CCDC171: variants seen among roughly 807,000 people sequenced by gnomAD.
The protein encoded by CCDC171 is coiled-coil domain containing 171.
CCDC171 carries 177 observed loss-of-function variants against 168.2 expected under a neutral mutation model. The observed-to-expected ratio is 1.05, with a 90% CI of 0.93 to 1.19. The LOEUF is 1.19. CCDC171 is among the 50% of genes most tolerant of loss of function. The pLI is 0.00. For synonymous variants in CCDC171, 687 were observed against 540.8 expected (o/e 1.27, Z -3.75); for missense variants, 1,991 against 1,539.0 (o/e 1.29, Z -4.91).
chr9:15,648,713 G>C (rs1442896033), intron 7 of CCDC171, among the ~76,000 whole-genome samples: 5 of 152,076 alleles, frequency 3.3e-5, no homozygotes, highest in African/African-American at 1.2e-4. Flanking sequence ...CTTCTTCAAG[G>C]AGAACTACAA....
intron 21 of CCDC171, among the ~76,000 whole-genome samples, chr9:15,806,831 G>T (rs192224550): frequency 6.6e-6 from 1 of 152,140 alleles, no homozygotes; most frequent in East Asian, 1.9e-4. Flanking sequence ...TGACTTGTTT[G>T]CTTTCTCTCC....
chr9:15,635,571 A>G (rs2132404378), intron 7 of CCDC171, among the ~76,000 whole-genome samples: 1 of 152,266 alleles, frequency 6.6e-6, no homozygotes, highest in African/African-American at 2.4e-5. Context: ...GTGCCCACCC[A>G]GACTGAGGGT....
intron 18 of CCDC171, among the ~76,000 whole-genome samples, chr9:15,754,254 G>T (rs753691192): frequency 6.6e-6 from 1 of 152,196 alleles, no homozygotes; most frequent in Non-Finnish European, 1.5e-5. Context: ...TAAACAAAGC[G>T]GATTTGATTT....
chr9:15,816,764 C>CTATT (rs150488231), intron 21 of CCDC171, among the ~76,000 whole-genome samples: 5,032 of 118,420 alleles, frequency 0.042, 1,576 homozygotes, highest in African/African-American at 0.15. Context: ...AATGGAATTG[C>CTATT]TATTAAGCAG....
intron 3 of CCDC171, among the ~76,000 whole-genome samples, chr9:15,573,851 G>A (rs1260000496): frequency 1.3e-5 from 2 of 151,774 alleles, no homozygotes; most frequent in Non-Finnish European, 2.9e-5. Context: ...GCTTGTGCCC[G>A]GGAGTTCGAG....
chr9:15,870,665 T>G (rs72708851), intron 23 of CCDC171, among the ~76,000 whole-genome samples: 225 of 151,204 alleles, frequency 1.5e-3, no homozygotes, highest in Non-Finnish European at 1.4e-3. Context: ...GAGTGTGTGT[T>G]TTTTTTTTAA....
intron 18 of CCDC171, among the ~76,000 whole-genome samples, chr9:15,757,247 A>T (rs112492862): frequency 0.047 from 7,124 of 152,274 alleles, 356 homozygotes; most frequent in South Asian, 0.13. Context: ...CAAAAGTCTG[A>T]TAGATATATG....
chr9:15,863,162 T>C (rs74472647), intron 23 of CCDC171, among the ~76,000 whole-genome samples: 1,913 of 152,062 alleles, frequency 0.013, 48 homozygotes, highest in African/African-American at 0.043. Context: ...GAGTGGGACA[T>C]TGTACGCACA....
chr9:15,823,097 A>G (rs2059860701), intron 21 of CCDC171, among the ~76,000 whole-genome samples: 1 of 152,156 alleles, frequency 6.6e-6, no homozygotes, highest in South Asian at 2.1e-4. Flanking sequence ...AAAAAACCAA[A>G]CACTGCATGT....
intron 18 of CCDC171, among the ~76,000 whole-genome samples, chr9:15,767,282 C>T (rs374154749): frequency 2.6e-5 from 4 of 152,164 alleles, no homozygotes; most frequent in Non-Finnish European, 4.4e-5. Flanking sequence ...AAGGGTGAAT[C>T]TGATTCTTTT....
At chr9:15,563,896 T>A in intron 1 of CCDC171, 82 bp from the exon 2 acceptor site, 1 of 542,358 alleles carries the variant, frequency 1.8e-6, no homozygotes, top group Non-Finnish European at 3.2e-6. Context: ...ATTACATCTT[T>A]CCAAAATAAA....
the CCDC171 span, among the ~76,000 whole-genome samples, chr9:16,104,283 C>A: frequency 6.6e-6 from 1 of 152,188 alleles, no homozygotes; most frequent in Non-Finnish European, 1.5e-5. Context: ...CTGCCTCCCC[C>A]TCCCCACGGC....
intron 23 of CCDC171, among the ~76,000 whole-genome samples, chr9:15,853,087 G>C (rs2061204177): frequency 6.6e-6 from 1 of 151,498 alleles, no homozygotes; most frequent in Admixed American, 6.6e-5. Context: ...TGAATTTTGG[G>C]ATCAGCTTGT....
At chr9:15,602,549 CCTT>C (rs1378368639) in intron 6 of CCDC171, among the ~76,000 whole-genome samples, 1 of 150,940 alleles carries the variant, frequency 6.6e-6, no homozygotes, top group African/African-American at 2.4e-5. Flanking sequence ...ATAGAGGTGT[CCTT>C]CTCTGGAATA....
intron 18 of CCDC171, among the ~76,000 whole-genome samples, chr9:15,752,095 G>A (rs895972825): frequency 6.6e-6 from 1 of 152,144 alleles, no homozygotes; most frequent in Non-Finnish European, 1.5e-5. Flanking sequence ...AGTGGGCAAA[G>A]GATATGAACA....
At chr9:15,736,763 C>T (rs905939483) in intron 16 of CCDC171, among the ~76,000 whole-genome samples, 2 of 151,932 alleles carry the variant, frequency 1.3e-5, no homozygotes, top group African/African-American at 2.4e-5. Flanking sequence ...GCAGCCTTGA[C>T]CTCCTGGGCT....
intron 7 of CCDC171, among the ~76,000 whole-genome samples, chr9:15,641,167 A>C (rs966043274): frequency 6.6e-6 from 1 of 152,108 alleles, no homozygotes; most frequent in Non-Finnish European, 1.5e-5. Context: ...ATCTGGAAAA[A>C]TAATCATTTT....
intron 3 of CCDC171, among the ~76,000 whole-genome samples, chr9:16,009,051 TA>T (rs2132979055): frequency 6.6e-6 from 1 of 151,696 alleles, no homozygotes; most frequent in African/African-American, 2.4e-5. Flanking sequence ...ATAATTAATA[TA>T]AAAATTGTAT....
chr9:15,770,384 A>G lies in CCDC171; in HGVS notation c.2672-7216A>G, dbSNP rs187215002. 2.0e-5 allele frequency among the ~76,000 whole-genome samples: 3 copies of G among 152,342 alleles called. No homozygotes were observed. In the East Asian group the frequency reaches 5.8e-4, roughly 29 times the overall value. ...CTTAAAATATTTTGAAAACTATATT[A>G]CAGAAAAATTAGTTTCCTTTGTAAT... On this transcript the variant is annotated intron_variant, in intron 18 of 25. Coordinates refer to ENST00000380701, the MANE Select transcript of CCDC171 (RefSeq NM_173550.4).
Sources: gnomAD v4.1 joint callset for allele counts (sites outside exome capture counted in the v4.1 genomes callset) on GRCh38, gnomAD v4.1.1 for gene constraint, MANE v1.5 for transcripts, NCBI Gene and HGNC (gene_info 2026-07-23, HGNC 2026-07-21) for gene names.